The following LOXL4 variants were observed in gnomAD, a reference collection of about 807,000 sequenced individuals.
The protein encoded by LOXL4 is lysyl oxidase homolog 4.
In LOXL4, 72 loss-of-function variants were observed where a neutral mutation model predicts 89.1. That is an observed-to-expected ratio of 0.81 (90% CI 0.67 to 0.98). The LOEUF (loss-of-function observed/expected upper bound fraction) is 0.98, where lower values mean the gene tolerates loss of function less well. Ranked by LOEUF, LOXL4 falls within the 50% of genes least tolerant of loss-of-function variation. The probability of loss-of-function intolerance (pLI) is 0.00; values close to 1 mark genes in which losing one functional copy is unlikely to be tolerated. For missense variants in LOXL4, 984 were observed against 1,017.5 expected, an observed-to-expected ratio of 0.97 and a Z score of 0.45; for synonymous variants, 355 against 392.1, an observed-to-expected ratio of 0.91 and a Z score of 1.12.
intron 4 of LOXL4, 68 bp downstream of exon 4, chr10:98,260,854 T>G: frequency 6.7e-7 from 1 of 1,493,208 alleles, no homozygotes; most frequent in Admixed American, 2.0e-5. Context: ...TGCACGCACA[T>G]GAACACACAC....
intron 12 of LOXL4, 139 bp from the exon 13 acceptor site, chr10:98,251,841 AG>A: frequency 9.9e-7 from 1 of 1,013,760 alleles, no homozygotes; most frequent in Non-Finnish European, 1.4e-6. Flanking sequence ...CTGTGAATCC[AG>A]CACCATAGCA....
chr10:98,258,878 G>A lies in LOXL4; in HGVS notation c.921+131C>T, dbSNP rs565689849. ...ATACATTCCAAGGTTCTACAGTTCTGTGATTCACTCTCCTCCTCCCAGTCT... is the reference window on the plus strand; with the variant it reads ...ATACATTCCAAGGTTCTACAGTTCTATGATTCACTCTCCTCCTCCCAGTCT... On this transcript the variant is annotated intron_variant, in intron 6 of 14. Coordinates refer to ENST00000260702, the MANE Select transcript of LOXL4 (RefSeq NM_032211.7). 1.5e-5 allele frequency: 10 copies of A among 661,830 alleles called. No homozygotes were observed. The African/African-American group carries it at 1.8e-4, about 12-fold the overall frequency. The allele number at this position is 661,830 out of a possible 1,614,324, so 41.0% of individuals were successfully genotyped here.
At chr10:98,252,311 A>G (rs773110000) in intron 12 of LOXL4, 42 bp downstream of exon 12, 28 of 1,447,512 alleles carry the variant, frequency 1.9e-5, no homozygotes, top group Non-Finnish European at 2.6e-5. Flanking sequence ...GAAGAACATA[A>G]CAAAAGGAGA....
chr10:98,261,516 A>G (rs937472867), intron 3 of LOXL4, among the ~76,000 whole-genome samples: 1 of 152,130 alleles, frequency 6.6e-6, no homozygotes, highest in African/African-American at 2.4e-5. Context: ...GCTGCTTGAG[A>G]CCACAGCAGG....
At chr10:98,264,930 C>T (rs1022708977) in intron 1 of LOXL4, among the ~76,000 whole-genome samples, 6 of 152,222 alleles carry the variant, frequency 3.9e-5, no homozygotes, top group South Asian at 2.1e-4. Context: ...GCCCCTGCCA[C>T]TCTCACTTCC....
chr10:98,261,905 G>T, intron 3 of LOXL4, 130 bp downstream of exon 3: 3 of 960,824 alleles, frequency 3.1e-6, no homozygotes, highest in Non-Finnish European at 4.4e-6. Flanking sequence ...AGGAGTCGGC[G>T]GCCTGGGGAC....
Position 98,253,791 on chromosome 10 carries a change from G to T in LOXL4, c.1597C>A (p.Pro533Thr), listed in dbSNP as rs111998048. ...AGCTGGGCGTTCATCACCAGGTCTG[G>T]TGCACCTGGGGCGGCGGAGGGCATG... The part of the protein sequence containing the change: ...LAGVSCMDSA[P>T]DLVMNAQLVQ... The change falls in exon 11 of 15, where the codon CCA becomes ACA. Residue 533 changes from proline (P) to threonine (T), a missense_variant. Pro to Thr is a conservative substitution (Grantham distance 38). Transcript: ENST00000260702. 1 of 1,613,846 alleles carries T rather than the reference G, an allele frequency of 6.2e-7. No individual in the cohort carries two copies. The highest frequency in any genetic ancestry group is 1.3e-5 in the African/African-American group (1 of 74,922).
intron 14 of LOXL4, 79 bp from the exon 15 acceptor site, chr10:98,249,070 C>A: frequency 9.3e-7 from 1 of 1,080,476 alleles, no homozygotes; most frequent in Non-Finnish European, 1.4e-6. Flanking sequence ...TAGATCCACT[C>A]TGCCCAGCTC....
At position 98,262,794 on chromosome 10, in the gene LOXL4, A is replaced by AGC; in HGVS notation, c.224_225dup (p.Phe76AlafsTer6). The stretch of plus-strand genomic sequence containing the variant: ...TGGGCCCAGGTCAAGGCAGCTTCGA[A>AGC]GCCCAGCTGGCGGCAAGCCACTGTG... On this transcript the variant is annotated frameshift_variant, in exon 2 of 15. Transcript: ENST00000260702. LOFTEE classifies it high-confidence loss of function. The AGC allele has an allele frequency of 1.2e-6, 2 of 1,613,424 alleles. No homozygotes were observed. The highest frequency in any genetic ancestry group is 4.5e-5 in the East Asian group (2 of 44,876).
intron 11 of LOXL4, among the ~76,000 whole-genome samples, chr10:98,253,039 C>T (rs1301474195): frequency 6.6e-6 from 1 of 152,254 alleles, no homozygotes; most frequent in Non-Finnish European, 1.5e-5. Flanking sequence ...CTCTCCCTCT[C>T]TCTGGTCTGG....
Position 98,268,121 on chromosome 10 carries a change from C to G in LOXL4, c.-33+11G>C, listed in dbSNP as rs1858724894. On this transcript the variant is annotated intron_variant, in intron 1 of 14. Transcript: ENST00000260702. Reference sequence around the variant, plus strand: ...ACCAAGAGGCAGACGCGCGGCCAGGCGGGGGCTCACCAGATGGAGCGCGGA... The same window carrying G: ...ACCAAGAGGCAGACGCGCGGCCAGGGGGGGGCTCACCAGATGGAGCGCGGA... 1 of 152,642 alleles carries G rather than the reference C, an allele frequency of 6.6e-6. No individual in the cohort carries two copies. Among genetic ancestry groups the G allele is most frequent in the African/African-American group, 2.4e-5 (1 of 41,424 alleles). The allele number at this position is 152,642 out of a possible 1,614,324, so 9.5% of individuals were successfully genotyped here. A position where few individuals can be genotyped will look rare whatever the true frequency, so the allele number is the denominator to read the frequency against.
chr10:98,262,541 G>A (rs1188623021), intron 2 of LOXL4, among the ~76,000 whole-genome samples: 1 of 152,212 alleles, frequency 6.6e-6, no homozygotes, highest in East Asian at 1.9e-4. Context: ...AGAGTTTAGT[G>A]GTGGTGACGG....
In LOXL4 at chr10:98,251,701, T is replaced by C; in HGVS notation, c.1953A>G (p.Gly651=). 6.2e-7 allele frequency: 1 copy of C among 1,614,144 alleles called. No individual in the cohort carries two copies. Among genetic ancestry groups the C allele is most frequent in the Non-Finnish European group, 8.5e-7 (1 of 1,180,020 alleles). ...FCLEDTNCPT[G]LQRRYACANF... ...TGGCACATGCGTAGCGCCGCTGCAG[T>C]CCTGTAAGGAAGGGGACAGACAGGT... The change falls in exon 13 of 15, where the codon GGA becomes GGG. Residue 651 remains glycine (G), a splice_region_variant and synonymous_variant. Coordinates refer to ENST00000260702, the MANE Select transcript of LOXL4 (RefSeq NM_032211.7).
At chr10:98,263,179 C>T (rs556169278) in intron 1 of LOXL4, 128 bp from the exon 2 acceptor site, 208 of 647,532 alleles carry the variant, frequency 3.2e-4, no homozygotes, top group Admixed American at 1.3e-3. Context: ...TGTGTGCACG[C>T]GCACACACAC....
chr10:98,255,420 G>A (rs1318952063), intron 10 of LOXL4, among the ~76,000 whole-genome samples, 157 bp downstream of exon 10: 8 of 152,108 alleles, frequency 5.3e-5, no homozygotes, highest in Admixed American at 5.2e-4. Flanking sequence ...GATCCTGATG[G>A]GATGGGTGAT....
chr10:98,249,102 C>T lies in LOXL4; in HGVS notation c.2201-111G>A. 3 of 790,246 alleles carry T rather than the reference C, an allele frequency of 3.8e-6. 1 individual carries two copies. In the South Asian group the frequency reaches 4.8e-5, roughly 13 times the overall value. The allele number at this position is 790,246 out of a possible 1,614,324, so 49.0% of individuals were successfully genotyped here. ...GCTCATCCTTTATATCAAGTCATGG[C>T]ATGGGCACAGACACCAATCATTTTA... is the stretch of plus-strand genomic sequence containing the variant. On this transcript the variant is annotated intron_variant, in intron 14 of 14. Transcript: ENST00000260702.
At chr10:98,258,910 T>G in intron 6 of LOXL4, 99 bp downstream of exon 6, 2 of 888,052 alleles carry the variant, frequency 2.3e-6, no homozygotes, top group Non-Finnish European at 3.4e-6. Flanking sequence ...GTCTGGTTCC[T>G]CTCTCCTGCG....
intron 10 of LOXL4, among the ~76,000 whole-genome samples, 195 bp downstream of exon 10, chr10:98,255,382 C>G (rs1262286837): frequency 6.6e-6 from 1 of 152,182 alleles, no homozygotes; most frequent in Non-Finnish European, 1.5e-5. Context: ...TTCTTTCTCA[C>G]AATAACTCCG....
chr10:98,265,222 A>G lies in LOXL4; in HGVS notation c.-32-2171T>C, dbSNP rs1296590213. Among the ~76,000 whole-genome samples, 3 of 152,134 alleles carry G rather than the reference A, an allele frequency of 2.0e-5. No homozygotes were observed. The East Asian group carries it at 5.8e-4, about 29-fold the overall frequency. On this transcript the variant is annotated intron_variant, in intron 1 of 14. Coordinates refer to ENST00000260702, the MANE Select transcript of LOXL4 (RefSeq NM_032211.7). ...GCCTCCACCAGTTCATTTGGAAGTG[A>G]TCTTGGGCCAGCGATTTAGTTTCTC...
Sources: allele counts gnomAD v4.1 joint callset (sites outside exome capture counted in the v4.1 genomes callset), GRCh38; gene constraint gnomAD v4.1.1; transcripts MANE v1.5; gene names NCBI Gene and HGNC (gene_info 2026-07-23, HGNC 2026-07-21).